Variants in HDGFL3 observed in about 807,000 individuals in gnomAD.
HDGFL3 encodes the protein HDGF like 3.
Under a neutral mutation model 27.6 loss-of-function variants are expected in HDGFL3, and 6 were observed. The ratio of observed to expected loss-of-function variants is 0.22; its 90% CI spans 0.12 to 0.43. HDGFL3 has a LOEUF of 0.43. Ranked by LOEUF, HDGFL3 falls within the 20% of genes least tolerant of loss-of-function variation. The pLI is 1.00. For synonymous variants in HDGFL3, 88 were observed against 88.9 expected (o/e 0.99, Z 0.05); for missense variants, 207 against 250.1 (o/e 0.83, Z 1.16).
At chr15:83,158,089 T>C in intron 2 of HDGFL3, 48 bp from the exon 3 acceptor site, 1 of 1,486,796 alleles carries the variant, frequency 6.7e-7, no homozygotes, top group Non-Finnish European at 9.2e-7. Flanking sequence ...CCTTCAAAGG[T>C]AAGATATTTT....
intron 1 of HDGFL3, among the ~76,000 whole-genome samples, chr15:83,206,901 G>C (rs527876310): frequency 1.3e-5 from 2 of 152,218 alleles, no homozygotes; most frequent in Non-Finnish European, 2.9e-5. Context: ...ACTGCCCGCC[G>C]GCACTCGCCG....
intron 1 of HDGFL3, chr15:83,186,093 T>C (rs2037437944): frequency 6.6e-6 from 1 of 152,332 alleles, no homozygotes; most frequent in Middle Eastern, 3.4e-3. Context: ...AAGATGGATC[T>C]ACTCTCTAGA....
At chr15:83,122,619 T>C (rs2035373540) in intron 3 of HDGFL3, 2 of 859,440 alleles carry the variant, frequency 2.3e-6, no homozygotes, top group Admixed American at 2.7e-5. Flanking sequence ...TAAATTGACC[T>C]TTTTAATTTG....
intron 1 of HDGFL3, among the ~76,000 whole-genome samples, chr15:83,176,139 T>C (rs1432572403): frequency 1.3e-5 from 2 of 152,196 alleles, no homozygotes; most frequent in African/African-American, 4.8e-5. Context: ...GCTATGTGTG[T>C]CCTGTGTTTT....
At chr15:83,167,576 A>G (rs2037187229) in intron 1 of HDGFL3, among the ~76,000 whole-genome samples, 1 of 152,092 alleles carries the variant, frequency 6.6e-6, no homozygotes, top group Non-Finnish European at 1.5e-5. Flanking sequence ...AAAAAAAAAA[A>G]AAGTACAAAG....
At chr15:83,156,281 C>G (rs1423331925) in intron 4 of HDGFL3, among the ~76,000 whole-genome samples, 1 of 152,110 alleles carries the variant, frequency 6.6e-6, no homozygotes, top group Non-Finnish European at 1.5e-5. Context: ...AAAGCCCTGG[C>G]CACCCTATCT....
At chr15:83,163,324 T>C (rs565598830) in intron 2 of HDGFL3, among the ~76,000 whole-genome samples, 1 of 152,356 alleles carries the variant, frequency 6.6e-6, no homozygotes, top group East Asian at 1.9e-4. Context: ...TCCTTCCCAC[T>C]GCCTGCAAGA....
chr15:83,202,458 G>T (rs1432793973), intron 1 of HDGFL3, among the ~76,000 whole-genome samples: 3 of 151,936 alleles, frequency 2.0e-5, no homozygotes, highest in Non-Finnish European at 4.4e-5. Flanking sequence ...CTCAAAGAAA[G>T]TCTAAAGAGA....
chr15:83,124,732 G>T, downstream of HDGFL3: 1 of 1,614,164 alleles, frequency 6.2e-7, no homozygotes, highest in Non-Finnish European at 8.5e-7. Context: ...AATGTTGGTT[G>T]TGTGTCTCCT....
In HDGFL3 at chr15:83,136,301, C is replaced by T. The variant is rs1418780163; in HGVS notation, c.*2969G>A. 8.8e-6 allele frequency: 4 copies of T among 455,016 alleles called. No homozygotes were observed. Among genetic ancestry groups the T allele is most frequent in the Non-Finnish European group, 1.5e-5 (4 of 259,142 alleles). 28.2% of individuals were successfully genotyped at this position (455,016 alleles called of 1,614,324 possible). A position where few individuals can be genotyped will look rare whatever the true frequency, so the allele number is the denominator to read the frequency against. On this transcript the variant is annotated 3_prime_UTR_variant, in exon 6 of 6. Coordinates refer to ENST00000299633, the MANE Select transcript of HDGFL3 (RefSeq NM_016073.4). ...GAATGGCCCTAAATTTAATCAAGGA[C>T]TAAATTTAATGAAAGACTCTGACAT... is the stretch of plus-strand genomic sequence containing the variant.
intron 5 of HDGFL3, among the ~76,000 whole-genome samples, chr15:83,144,068 C>T (rs1365883795): frequency 6.6e-6 from 1 of 152,198 alleles, no homozygotes; most frequent in Non-Finnish European, 1.5e-5. Flanking sequence ...AGGCAATCGT[C>T]AGCACCAGAC....
Position 83,137,995 on chromosome 15 carries a change from G to A in HDGFL3, c.*1275C>T, listed in dbSNP as rs1257108591. On this transcript the variant is annotated 3_prime_UTR_variant, in exon 6 of 6. Transcript: ENST00000299633. ...GTTTTCAAATAATCTAAAACCCAGA[G>A]AGTGTTTAAAAAAAAAAAAAGAAAG... 6.7e-6 allele frequency: 1 copy of A among 149,956 alleles called. No individual in the cohort carries two copies. The highest frequency in any genetic ancestry group is 1.5e-5 in the Non-Finnish European group (1 of 67,552). The allele number at this position is 149,956 out of a possible 1,614,324, so 9.3% of individuals were successfully genotyped here. A position where few individuals can be genotyped will look rare whatever the true frequency, so the allele number is the denominator to read the frequency against.
At chr15:83,126,536 A>G (rs1411458120), downstream of HDGFL3, among the ~76,000 whole-genome samples, 1 of 152,210 alleles carries the variant, frequency 6.6e-6, no homozygotes, top group Non-Finnish European at 1.5e-5. Flanking sequence ...ACCCAAGAAT[A>G]GGGCATTAGT....
Position 83,151,337 on chromosome 15 carries a change from A to C in HDGFL3, c.484T>G (p.Ser162Ala). ...TCTTTGTCATCTTCATCTCCTGGAG[A>C]TTTCCGGGACTGTTTAGAGGATTTC... Reference protein sequence around the residue: ...SKKSSKQSRKSPGDEDDKDCK... With the variant: ...SKKSSKQSRKAPGDEDDKDCK... Residue 162 changes from serine to alanine, a missense_variant, in exon 5 of 6, where the codon TCT (serine) becomes GCT (alanine). Coordinates refer to ENST00000299633, the MANE Select transcript of HDGFL3 (RefSeq NM_016073.4). The C allele has an allele frequency of 6.2e-7, 1 of 1,612,936 alleles. No individual in the cohort carries two copies. The highest frequency in any genetic ancestry group is 8.5e-7 in the Non-Finnish European group (1 of 1,179,556).
At chr15:83,202,247 C>G (rs1224382942) in intron 1 of HDGFL3, among the ~76,000 whole-genome samples, 1 of 152,128 alleles carries the variant, frequency 6.6e-6, no homozygotes, top group Admixed American at 6.5e-5. Flanking sequence ...GCCTTACATA[C>G]AGTAGGTGCT....
chr15:83,204,594 T>C (rs2037694575), intron 1 of HDGFL3, among the ~76,000 whole-genome samples: 1 of 152,196 alleles, frequency 6.6e-6, no homozygotes, highest in African/African-American at 2.4e-5. Context: ...TCGAAATTTT[T>C]CAGGATAAAA....
At chr15:83,158,119 G>A in intron 2 of HDGFL3, 78 bp from the exon 3 acceptor site, 1 of 1,241,484 alleles carries the variant, frequency 8.1e-7, no homozygotes, top group Non-Finnish European at 1.1e-6. Context: ...TATCAGTGAA[G>A]ATGTCAGAGC....
Position 83,127,869 on chromosome 15 carries a change from C to T in HDGFL3, c.*11401G>A, listed in dbSNP as rs2151377465. ...ATCCAAATTTAAGACTTCAGAATTC[C>T]ACTACGCTATGCTATACAGAACCAG... On this transcript the variant is annotated 3_prime_UTR_variant, in exon 6 of 6. Transcript: ENST00000299633. 1 of 261,872 alleles carries T rather than the reference C, an allele frequency of 3.8e-6. No individual in the cohort carries two copies. 16.2% of individuals were successfully genotyped at this position (261,872 alleles called of 1,614,324 possible).
At chr15:83,145,706 G>C (rs1301456227) in intron 5 of HDGFL3, among the ~76,000 whole-genome samples, 6 of 151,770 alleles carry the variant, frequency 4.0e-5, no homozygotes, top group Non-Finnish European at 8.8e-5. Flanking sequence ...TTTCACTTCT[G>C]GCCCTCTGTC....
Sources: allele counts gnomAD v4.1 joint callset (sites outside exome capture counted in the v4.1 genomes callset), GRCh38; gene constraint gnomAD v4.1.1; transcripts MANE v1.5; gene names NCBI Gene and HGNC (gene_info 2026-07-23, HGNC 2026-07-21).